The following ROCK2 variants were observed in gnomAD, a reference collection of about 807,000 sequenced individuals.
ROCK2 encodes rho-associated protein kinase 2.
A neutral mutation model predicts 195.1 loss-of-function variants in ROCK2; 61 were observed. The observed-to-expected ratio is 0.31, with a 90% CI of 0.25 to 0.39. The LOEUF (loss-of-function observed/expected upper bound fraction) is 0.39, where lower values mean the gene tolerates loss of function less well. Ranked by LOEUF, ROCK2 falls within the 10% of genes least tolerant of loss-of-function variation. The pLI is 1.00. For missense variants in ROCK2, 1,109 were observed against 1,637.4 expected (o/e 0.68, Z 5.57); for synonymous variants, 504 against 545.5 (o/e 0.92, Z 1.06).
At chr2:11,237,986 G>C (rs1164277256) in intron 4 of ROCK2, among the ~76,000 whole-genome samples, 1 of 152,222 alleles carries the variant, frequency 6.6e-6, no homozygotes, top group Non-Finnish European at 1.5e-5. Context: ...GCTGAGGTGG[G>C]AGAATTGCTG....
At position 11,316,761 on chromosome 2, in the gene ROCK2, G is replaced by A. The variant is rs41513345; in HGVS notation, c.141+27235C>T. 9.2e-3 allele frequency among the ~76,000 whole-genome samples: 1,406 copies of A among 152,210 alleles called. 16 individuals are homozygous for A. The highest frequency in any genetic ancestry group is 0.032 in the African/African-American group (1,320 of 41,546). On this transcript the variant is annotated intron_variant, in intron 1 of 32. Transcript: ENST00000315872. ...ATTATTGACATGCTTAGGTTCCTAC[G>A]ATATGGTATGTCTGTCCTCTGACTG...
In ROCK2 at chr2:11,192,038, TA is replaced by T; in HGVS notation, c.4163+109del. 3 of 756,290 alleles carry T rather than the reference TA, an allele frequency of 4.0e-6. No homozygotes were observed. Among genetic ancestry groups the T allele is most frequent in the Non-Finnish European group, 6.4e-6 (3 of 468,230 alleles). 46.8% of individuals were successfully genotyped at this position (756,290 alleles called of 1,614,324 possible). A position where few individuals can be genotyped will look rare whatever the true frequency, so the allele number is the denominator to read the frequency against. On this transcript the variant is annotated intron_variant, in intron 32 of 32. Coordinates refer to ENST00000315872, the MANE Select transcript of ROCK2 (RefSeq NM_004850.5). The surrounding 1 kb of genome is among the most constrained non-coding windows in gnomAD (Gnocchi z 5.0). ...CAACATTTGGTATTCCATAGTTAAC[TA>T]AAATACAAAGCAAAGGAAAACTAAT...
chr2:11,291,205 A>C (rs1667352540), intron 1 of ROCK2, among the ~76,000 whole-genome samples: 1 of 152,232 alleles, frequency 6.6e-6, no homozygotes, highest in Non-Finnish European at 1.5e-5. Flanking sequence ...GTTGTCAAGA[A>C]ATGAAGTATT....
chr2:11,181,066 C>T lies in ROCK2; in HGVS notation c.*2371G>A, dbSNP rs1012211380. The T allele has an allele frequency of 6.6e-6, 1 of 151,484 alleles. No individual in the cohort carries two copies. The highest frequency in any genetic ancestry group is 2.4e-5 in the African/African-American group (1 of 41,286). The allele number at this position is 151,484 out of a possible 1,614,324, so 9.4% of individuals were successfully genotyped here. A position where few individuals can be genotyped will look rare whatever the true frequency, so the allele number is the denominator to read the frequency against. On this transcript the variant is annotated 3_prime_UTR_variant, in exon 33 of 33. Coordinates refer to ENST00000315872, the MANE Select transcript of ROCK2 (RefSeq NM_004850.5). ...TACAGTTGGTCACACCATGATTCCCCATATTCTCTAATATATACAGCATTC... is the reference window on the plus strand; with the variant it reads ...TACAGTTGGTCACACCATGATTCCCTATATTCTCTAATATATACAGCATTC...
intron 1 of ROCK2, among the ~76,000 whole-genome samples, chr2:11,327,770 C>A (rs1668593338): frequency 6.6e-6 from 1 of 152,122 alleles, no homozygotes; most frequent in South Asian, 2.1e-4. Context: ...ACTGTGTTGC[C>A]CAGGCTGGTC....
chr2:11,224,399 C>T lies in ROCK2; in HGVS notation c.930G>A (p.Lys310=). The change falls in exon 7 of 33, where the codon AAG becomes AAA. Residue 310 remains lysine (K), a synonymous_variant. Transcript: ENST00000315872. The part of the protein sequence containing the change: ...VGTYSKIMDH[K]NSLCFPEDAE... ...CATCTTCAGGGAAACACAGTGAATT[C>T]TTATGATCCATAATTTTGCTATATG... 6.2e-7 allele frequency: 1 copy of T among 1,613,022 alleles called. No homozygotes were observed. Among genetic ancestry groups the T allele is most frequent in the Non-Finnish European group, 8.5e-7 (1 of 1,179,280 alleles).
rs752854454 is a variant in ROCK2 at position 11,334,730 on chromosome 2, G to A, written c.141+9266C>T. 8.5e-4 allele frequency among the ~76,000 whole-genome samples: 122 copies of A among 143,926 alleles called. 3 individuals carry two copies. The highest frequency in any genetic ancestry group is 4.1e-3 in the Admixed American group (61 of 14,788). The allele number at this position is 143,926 out of a possible 152,430, so 94.4% of individuals were successfully genotyped here. A position where few individuals can be genotyped will look rare whatever the true frequency, so the allele number is the denominator to read the frequency against. On this transcript the variant is annotated intron_variant, in intron 1 of 32. Coordinates refer to ENST00000315872, the MANE Select transcript of ROCK2 (RefSeq NM_004850.5). ...GACAATACCAGCCCTGCTCTGGCGCGTTTCTATCTAAATAAAGTACTGCTA... is the reference window on the plus strand; with the variant it reads ...GACAATACCAGCCCTGCTCTGGCGCATTTCTATCTAAATAAAGTACTGCTA...
In ROCK2 at chr2:11,216,209, A is replaced by G. The variant is rs1291131443; in HGVS notation, c.1413-3T>C. The G allele has an allele frequency of 1.9e-6, 3 of 1,603,964 alleles. No individual in the cohort carries two copies. Among genetic ancestry groups the G allele is most frequent in the East Asian group, 4.5e-5 (2 of 44,750 alleles). On this transcript the variant is annotated splice_polypyrimidine_tract_variant and splice_region_variant and intron_variant, in intron 12 of 32. Transcript: ENST00000315872. ...TTTCTAGGCGAGTATTAACAGATCT[A>G]AAGAATTTCAGAAAGAAACAGTAAA...
intron 4 of ROCK2, among the ~76,000 whole-genome samples, chr2:11,236,500 T>A (rs1665210723): frequency 6.6e-6 from 1 of 152,050 alleles, no homozygotes; most frequent in South Asian, 2.1e-4. Context: ...TCTCTCCCCT[T>A]CCCCATCACC....
chr2:11,332,164 T>TA (rs1395566082), intron 1 of ROCK2, among the ~76,000 whole-genome samples: 2 of 151,774 alleles, frequency 1.3e-5, no homozygotes, highest in Non-Finnish European at 2.9e-5. Context: ...TTTTTTTAAT[T>TA]AAAAAAATAA....
At position 11,215,554 on chromosome 2, in the gene ROCK2, T is replaced by C; in HGVS notation, c.1553A>G (p.Lys518Arg). 6.2e-7 allele frequency: 1 copy of C among 1,613,680 alleles called. No individual in the cohort carries two copies. The highest frequency in any genetic ancestry group is 8.5e-7 in the Non-Finnish European group (1 of 1,179,822). The change falls in exon 14 of 33, where the codon AAA (lysine) becomes AGA (arginine). Residue 518 changes from lysine to arginine, a missense_variant. Physicochemically the swap from Lys to Arg is conservative, Grantham distance 26. This residue lies in a region of ROCK2 where 542 missense variants were observed against 672.0 expected (regional missense o/e 0.81). Transcript: ENST00000315872. The part of the protein sequence containing the change: ...LQHKNAEYQR[K>R]ADHEADKKRN... ...TTTTTTGTCTGCTTCATGATCAGCT[T>C]TCCTCTGATATTCTGCATTTTTGTG...
chr2:11,284,043 T>C (rs1047591984), intron 3 of ROCK2, among the ~76,000 whole-genome samples: 10 of 152,218 alleles, frequency 6.6e-5, no homozygotes, highest in Non-Finnish European at 1.2e-4. Context: ...TAAACTTTGG[T>C]ACAGCCAGAC....
intron 3 of ROCK2, among the ~76,000 whole-genome samples, chr2:11,252,150 C>T (rs1017817982): frequency 6.6e-6 from 1 of 152,162 alleles, no homozygotes; most frequent in Admixed American, 6.5e-5. Flanking sequence ...GTGGCTCACG[C>T]CTGTAAACCC....
In ROCK2 at chr2:11,194,319, ATCT is replaced by A. The variant is rs763206938; in HGVS notation, c.3542_3544del (p.Lys1181del). 6.8e-7 allele frequency: 1 copy of A among 1,462,048 alleles called. No homozygotes were observed. The highest frequency in any genetic ancestry group is 9.3e-7 in the Non-Finnish European group (1 of 1,079,884). The allele number at this position is 1,462,048 out of a possible 1,614,324, so 90.6% of individuals were successfully genotyped here. Reference sequence around the variant, plus strand: ...ATCTTGTTCACTGTCATAGAAAAGAATCTTCTTACTGCTTACAATCACATACTG... The same window carrying A: ...ATCTTGTTCACTGTCATAGAAAAGAATCTTACTGCTTACAATCACATACTG... On this transcript the variant is annotated inframe_deletion, in exon 29 of 33. Transcript: ENST00000315872.
intron 1 of ROCK2, among the ~76,000 whole-genome samples, chr2:11,291,410 C>A (rs59883361): frequency 0.023 from 3,437 of 152,234 alleles, 61 homozygotes; most frequent in East Asian, 0.053. Context: ...ATTAGCCGCG[C>A]GTGGTGGCGC....
chr2:11,243,797 T>C (rs1409665559), intron 4 of ROCK2, among the ~76,000 whole-genome samples: 1 of 152,058 alleles, frequency 6.6e-6, no homozygotes, highest in Non-Finnish European at 1.5e-5. Flanking sequence ...ACAAAGAACA[T>C]AGGTAAAAAT....
In ROCK2 at chr2:11,344,488, G is replaced by A; in HGVS notation, c.-352C>T. On this transcript the variant is annotated 5_prime_UTR_variant, in exon 1 of 33. Transcript: ENST00000315872. This position sits in a 1 kb window ranked among gnomAD's most constrained non-coding sequence, Gnocchi z 5.4. The stretch of plus-strand genomic sequence containing the variant: ...GTGGCGCCGCCACCGCCGCGGCCCG[G>A]ACCGCCCCGCCCTCTGGGGCCCCGG... The A allele has an allele frequency of 1.0e-6, 1 of 993,592 alleles. No homozygotes were observed. The highest frequency in any genetic ancestry group is 1.2e-6 in the Non-Finnish European group (1 of 836,214). 61.5% of individuals were successfully genotyped at this position (993,592 alleles called of 1,614,324 possible).
Position 11,287,696 on chromosome 2 carries a change from G to T in ROCK2, c.182C>A (p.Ala61Asp). 1 of 1,320,444 alleles carries T rather than the reference G, an allele frequency of 7.6e-7. No homozygotes were observed. The highest frequency in any genetic ancestry group is 1.0e-6 in the Non-Finnish European group (1 of 987,298). 81.8% of individuals were successfully genotyped at this position (1,320,444 alleles called of 1,614,324 possible). The change falls in exon 2 of 33, where the codon GCT becomes GAT. Residue 61 changes from alanine (A) to aspartate (D), a missense_variant. Ala to Asp is a moderately radical substitution (Grantham distance 126, BLOSUM62 -2). Coordinates refer to ENST00000315872, the MANE Select transcript of ROCK2 (RefSeq NM_004850.5). ...ATCTATGTTCTTGTTTTTCCTCAAAGCAGGAAAATCTAAATCAAGGACCAA... is the reference window on the plus strand; with the variant it reads ...ATCTATGTTCTTGTTTTTCCTCAAATCAGGAAAATCTAAATCAAGGACCAA... The part of the protein sequence containing the change: ...NSLVLDLDFP[A>D]LRKNKNIDNF...
intron 3 of ROCK2, among the ~76,000 whole-genome samples, chr2:11,261,617 G>T (rs1283818767): frequency 1.3e-5 from 2 of 152,092 alleles, no homozygotes; most frequent in African/African-American, 4.8e-5. Flanking sequence ...AGCAGTTCGA[G>T]ACCAGCCTGA....
Sources: gnomAD v4.1 joint callset for allele counts (sites outside exome capture counted in the v4.1 genomes callset) on GRCh38, gnomAD v4.1.1 for gene constraint, gnomAD v4.1.1 regional missense constraint, Gnocchi (gnomAD v3.1) non-coding constraint, MANE v1.5 for transcripts, NCBI Gene and HGNC (gene_info 2026-07-23, HGNC 2026-07-21) for gene names.